PRDM2: variants seen among roughly 807,000 people sequenced by gnomAD.
The protein encoded by PRDM2 is PR domain zinc finger protein 2.
Under a neutral mutation model 130.0 loss-of-function variants are expected in PRDM2, and 30 were observed. The ratio of observed to expected loss-of-function variants is 0.23; its 90% CI spans 0.17 to 0.31. PRDM2 has a LOEUF of 0.31. Ranked by LOEUF, PRDM2 falls within the 10% of genes least tolerant of loss-of-function variation. The probability of loss-of-function intolerance (pLI) is 1.00; values close to 1 mark genes in which losing one functional copy is unlikely to be tolerated. For synonymous variants in PRDM2, 871 were observed against 782.4 expected (o/e 1.11, Z -1.89); for missense variants, 2,011 against 2,108.4 (o/e 0.95, Z 0.90).
chr1:13,752,253 C>T (rs1456686821), intron 6 of PRDM2, among the ~76,000 whole-genome samples: 1 of 152,176 alleles, frequency 6.6e-6, no homozygotes, highest in Non-Finnish European at 1.5e-5. Flanking sequence ...TGTCTGCGAC[C>T]TTGGAGCGTG....
intron 1 of PRDM2, among the ~76,000 whole-genome samples, chr1:13,703,332 G>T (rs1225297908): frequency 6.6e-6 from 1 of 152,226 alleles, no homozygotes; most frequent in Non-Finnish European, 1.5e-5. Flanking sequence ...CCTCCTTCCA[G>T]TGTGACAGCC....
intron 5 of PRDM2, among the ~76,000 whole-genome samples, chr1:13,744,059 ACAAT>A (rs1428277581): frequency 6.6e-6 from 1 of 152,180 alleles, no homozygotes; most frequent in Non-Finnish European, 1.5e-5. Context: ...TGAATATGAG[ACAAT>A]CAAGGTAATA....
rs189020818 is a variant in PRDM2 at position 13,799,085 on chromosome 1, T to G, written c.5036+16254T>G. Among the ~76,000 whole-genome samples, 10 of 152,068 alleles carry G rather than the reference T, an allele frequency of 6.6e-5. No homozygotes were observed. In the East Asian group the frequency reaches 1.9e-3, roughly 29 times the overall value. ...CAAGCACTCCAGGCAAACACAGAGG[T>G]CTCCGCCACTTACTTCGTCACTAAG... On this transcript the variant is annotated intron_variant, in intron 8 of 9. Coordinates refer to ENST00000311066, the MANE Select transcript of PRDM2 (RefSeq NM_001393986.1).
chr1:13,806,298 G>A lies in PRDM2; in HGVS notation c.5037-10129G>A, dbSNP rs371148534. The stretch of plus-strand genomic sequence containing the variant: ...CTCCATCCCTGGGCTCTGTCCCCTC[G>A]CTCCGTCTCCGCTCCCCCTTGGTGA... On this transcript the variant is annotated intron_variant, in intron 8 of 9. Transcript: ENST00000311066. The surrounding 1 kb of genome is among the most constrained non-coding windows in gnomAD (Gnocchi z 4.1). Among the ~76,000 whole-genome samples, 5 of 151,236 alleles carry A rather than the reference G, an allele frequency of 3.3e-5. No individual in the cohort carries two copies. The highest frequency in any genetic ancestry group is 2.6e-4 in the Admixed American group (4 of 15,202).
intron 2 of PRDM2, among the ~76,000 whole-genome samples, chr1:13,730,557 G>T (rs1643068388): frequency 6.6e-6 from 1 of 152,206 alleles, no homozygotes; most frequent in Admixed American, 6.5e-5. Context: ...CAGGGTTGGA[G>T]GGCCCCAGTA....
intron 6 of PRDM2, among the ~76,000 whole-genome samples, chr1:13,755,529 A>G (rs1293831148): frequency 6.6e-6 from 1 of 152,240 alleles, no homozygotes; most frequent in African/African-American, 2.4e-5. Context: ...TAGTTAGTTC[A>G]AAATACTTTA....
At chr1:13,709,119 A>G (rs1403194724) in intron 1 of PRDM2, among the ~76,000 whole-genome samples, 1 of 149,282 alleles carries the variant, frequency 6.7e-6, no homozygotes, top group Non-Finnish European at 1.5e-5. Flanking sequence ...TGGATACTAC[A>G]TGTTTTCATA....
At chr1:13,788,801 C>T (rs1036699579) in intron 8 of PRDM2, among the ~76,000 whole-genome samples, 1 of 152,206 alleles carries the variant, frequency 6.6e-6, no homozygotes, top group Admixed American at 6.5e-5. Context: ...CCATCCTAAC[C>T]CATCTGCTGG....
chr1:13,736,041 C>T (rs1172910541), intron 4 of PRDM2, among the ~76,000 whole-genome samples: 4 of 149,630 alleles, frequency 2.7e-5, no homozygotes, highest in Non-Finnish European at 4.5e-5. Flanking sequence ...GTTTTTAATG[C>T]TTTTTTTTTC....
At chr1:13,798,146 A>G (rs886214182) in intron 8 of PRDM2, among the ~76,000 whole-genome samples, 4 of 152,108 alleles carry the variant, frequency 2.6e-5, no homozygotes, top group Non-Finnish European at 4.4e-5. Flanking sequence ...ACCTGCACCC[A>G]CCGTAGGCCT....
intron 1 of PRDM2, among the ~76,000 whole-genome samples, chr1:13,705,981 CA>C (rs61072408): frequency 0.1 from 5,811 of 56,840 alleles, 116 homozygotes; most frequent in African/African-American, 0.22. Context: ...GACTCCGTCT[CA>C]AAAAAAAAAA....
At position 13,773,075 on chromosome 1, in the gene PRDM2, C is replaced by T. The variant is rs1413694457; in HGVS notation, c.512-3C>T. The T allele has an allele frequency of 8.2e-6, 12 of 1,470,542 alleles. No homozygotes were observed. Among genetic ancestry groups the T allele is most frequent in the South Asian group, 1.4e-5 (1 of 70,832 alleles). The allele number at this position is 1,470,542 out of a possible 1,614,324, so 91.1% of individuals were successfully genotyped here. On this transcript the variant is annotated splice_region_variant and splice_polypyrimidine_tract_variant and intron_variant, in intron 6 of 9. Coordinates refer to ENST00000311066, the MANE Select transcript of PRDM2 (RefSeq NM_001393986.1). The stretch of plus-strand genomic sequence containing the variant: ...GAATAAATTAAAAAAAATTGTGTTT[C>T]AGGGAAGAAAAAATCCCAGGAAAAT...
In PRDM2 at chr1:13,722,203, C is replaced by T. The variant is rs185381314; in HGVS notation, c.9+6589C>T. Among the ~76,000 whole-genome samples the T allele has an allele frequency of 1.9e-4, 29 of 152,266 alleles. No homozygotes were observed. The East Asian group carries it at 5.4e-3, about 28-fold the overall frequency. On this transcript the variant is annotated intron_variant, in intron 2 of 9. Coordinates refer to ENST00000311066, the MANE Select transcript of PRDM2 (RefSeq NM_001393986.1). ...ATGGGACCATTCTCCATAGGCCTTA[C>T]AGAACATGCAGCTCACCATCTGGGA...
intron 1 of PRDM2, among the ~76,000 whole-genome samples, chr1:13,702,488 CTAAA>C (rs1326082747): frequency 6.6e-6 from 1 of 152,106 alleles, no homozygotes; most frequent in African/African-American, 2.4e-5. Context: ...TTTTTAGCAT[CTAAA>C]TAAGCATTTT....
At chr1:13,810,781 A>G (rs571409506) in intron 8 of PRDM2, among the ~76,000 whole-genome samples, 186 of 151,508 alleles carry the variant, frequency 1.2e-3, no homozygotes, top group African/African-American at 4.3e-3. Flanking sequence ...GGCGTGAGCC[A>G]CCGCACCTGG....
In PRDM2 at chr1:13,824,136, C is replaced by T. The variant is rs896747341; in HGVS notation, c.*1001C>T. 2 of 152,552 alleles carry T rather than the reference C, an allele frequency of 1.3e-5. No individual in the cohort carries two copies. Among genetic ancestry groups the T allele is most frequent in the East Asian group, 1.9e-4 (1 of 5,178 alleles). 9.4% of individuals were successfully genotyped at this position (152,552 alleles called of 1,614,324 possible). A position where few individuals can be genotyped will look rare whatever the true frequency, so the allele number is the denominator to read the frequency against. On this transcript the variant is annotated 3_prime_UTR_variant, in exon 10 of 10. Coordinates refer to ENST00000311066, the MANE Select transcript of PRDM2 (RefSeq NM_001393986.1). The stretch of plus-strand genomic sequence containing the variant: ...TCTGGAGGACGGTCAGTCCATGTCT[C>T]GGAGAAACGGGTGAGCTGAGCTTGG...
At chr1:13,706,250 A>T (rs1642207799) in intron 1 of PRDM2, among the ~76,000 whole-genome samples, 2 of 152,056 alleles carry the variant, frequency 1.3e-5, no homozygotes, top group African/African-American at 4.8e-5. Context: ...GTTCTCTTGG[A>T]TTCTGAACTG....
intron 1 of PRDM2, among the ~76,000 whole-genome samples, chr1:13,714,908 G>C (rs540631893): frequency 6.6e-6 from 1 of 152,278 alleles, no homozygotes; most frequent in African/African-American, 2.4e-5. Flanking sequence ...TTAGAAACAA[G>C]TATGTCATAC....
intron 1 of PRDM2, among the ~76,000 whole-genome samples, chr1:13,712,455 C>T (rs906500160): frequency 1.3e-5 from 2 of 152,168 alleles, no homozygotes; most frequent in Non-Finnish European, 2.9e-5. Context: ...GCAGCTCCAT[C>T]CTCCCATGCC....
Sources: gnomAD v4.1 joint callset for allele counts (sites outside exome capture counted in the v4.1 genomes callset) on GRCh38, gnomAD v4.1.1 for gene constraint, Gnocchi (gnomAD v3.1) non-coding constraint, MANE v1.5 for transcripts, NCBI Gene and HGNC (gene_info 2026-07-23, HGNC 2026-07-21) for gene names.